EGLN3: variants seen among roughly 807,000 people sequenced by gnomAD.
EGLN3 encodes the protein prolyl hydroxylase EGLN3.
EGLN3 carries 15 observed loss-of-function variants against 26.0 expected under a neutral mutation model. The ratio of observed to expected loss-of-function variants is 0.58; its 90% CI spans 0.39 to 0.89. The LOEUF (loss-of-function observed/expected upper bound fraction) is 0.89. Ranked by LOEUF, EGLN3 falls within the 40% of genes least tolerant of loss-of-function variation. The pLI is 0.00. For synonymous variants in EGLN3, 147 were observed against 127.2 expected (o/e 1.16, Z -1.05); for missense variants, 238 against 311.6 (o/e 0.76, Z 1.78).
intron 1 of EGLN3, among the ~76,000 whole-genome samples, chr14:33,946,534 T>C (rs891312384): frequency 2.0e-5 from 3 of 152,148 alleles, no homozygotes; most frequent in Non-Finnish European, 4.4e-5. Context: ...ATTCAAAGTA[T>C]ACGAAAGTAT....
intron 2 of EGLN3, among the ~76,000 whole-genome samples, chr14:33,929,600 C>A (rs1208586142): frequency 6.6e-6 from 1 of 152,190 alleles, no homozygotes; most frequent in African/African-American, 2.4e-5. Flanking sequence ...GATCCGCCCA[C>A]TAGGGCCTCC....
intron 1 of EGLN3, among the ~76,000 whole-genome samples, chr14:33,941,104 G>T (rs532545609): frequency 6.6e-6 from 1 of 152,226 alleles, no homozygotes; most frequent in South Asian, 2.1e-4. Flanking sequence ...GATGAAAGTG[G>T]GCTCAGAGAA....
In EGLN3 at chr14:33,925,687, C is replaced by T; in HGVS notation, c.*204G>A. 9.9e-6 allele frequency: 6 copies of T among 606,076 alleles called. No individual in the cohort carries two copies. Among genetic ancestry groups the T allele is most frequent in the East Asian group, 2.9e-5 (1 of 34,822 alleles). 37.5% of individuals were successfully genotyped at this position (606,076 alleles called of 1,614,324 possible). A position where few individuals can be genotyped will look rare whatever the true frequency, so the allele number is the denominator to read the frequency against. Reference sequence around the variant, plus strand: ...AATTTCTGGAGTTAGCAAGTAACTTCATCTGGCAAAGAGAGTATCTGAAGA... The same window carrying T: ...AATTTCTGGAGTTAGCAAGTAACTTTATCTGGCAAAGAGAGTATCTGAAGA... On this transcript the variant is annotated 3_prime_UTR_variant, in exon 5 of 5. Transcript: ENST00000250457.
Position 33,925,212 on chromosome 14 carries a change from A to T in EGLN3, c.*679T>A, listed in dbSNP as rs1236692502. The T allele has an allele frequency of 6.6e-6, 1 of 152,156 alleles. No homozygotes were observed. Among genetic ancestry groups the T allele is most frequent in the Non-Finnish European group, 1.5e-5 (1 of 68,028 alleles). 9.4% of individuals were successfully genotyped at this position (152,156 alleles called of 1,614,324 possible). On this transcript the variant is annotated 3_prime_UTR_variant, in exon 5 of 5. Transcript: ENST00000250457. ...AGGTAAGAACTGAAAATGGAGAAAAAATTGTGTTGCCATCTTTATTCAGAA... is the reference window on the plus strand; with the variant it reads ...AGGTAAGAACTGAAAATGGAGAAAATATTGTGTTGCCATCTTTATTCAGAA...
rs1468915195 is a variant in EGLN3, at chr14:33,950,817, G to A, written c.-65C>T. 7.0e-7 allele frequency: 1 copy of A among 1,434,894 alleles called. No homozygotes were observed. Among genetic ancestry groups the A allele is most frequent in the African/African-American group, 1.4e-5 (1 of 70,684 alleles). 88.9% of individuals were successfully genotyped at this position (1,434,894 alleles called of 1,614,324 possible). On this transcript the variant is annotated 5_prime_UTR_variant, in exon 1 of 5. Coordinates refer to ENST00000250457, the MANE Select transcript of EGLN3 (RefSeq NM_022073.4). ...ACCAGAGAGGGAACGATCTACACGA[G>A]CGCGAAGCCGAGGCGCGGGGAGCGT... is the stretch of plus-strand genomic sequence containing the variant.
At chr14:33,948,346 A>C (rs773085953) in intron 1 of EGLN3, 6 of 152,106 alleles carry the variant, frequency 3.9e-5, no homozygotes, top group Non-Finnish European at 8.8e-5. Flanking sequence ...ATTTAACTAC[A>C]CTAGTTGTTT....
At chr14:33,927,619 C>T (rs1402537014) in intron 3 of EGLN3, among the ~76,000 whole-genome samples, 4 of 152,160 alleles carry the variant, frequency 2.6e-5, no homozygotes, top group Admixed American at 2.6e-4. Context: ...TCTCAGGCTC[C>T]AAGTAGGGGA....
chr14:33,936,780 AC>A (rs1478071792), intron 1 of EGLN3, among the ~76,000 whole-genome samples: 1 of 150,874 alleles, frequency 6.6e-6, no homozygotes, highest in Non-Finnish European at 1.5e-5. Flanking sequence ...AAAAAAAAAA[AC>A]AAAACCTGAA....
At chr14:33,948,360 C>G (rs1189395249) in intron 1 of EGLN3, 3 of 152,180 alleles carry the variant, frequency 2.0e-5, no homozygotes, top group African/African-American at 7.2e-5. Context: ...GTTGTTTGCT[C>G]AAGCCTGGTT....
intron 1 of EGLN3, among the ~76,000 whole-genome samples, chr14:33,936,999 G>C (rs148194181): frequency 6.6e-6 from 1 of 152,304 alleles, no homozygotes; most frequent in Non-Finnish European, 1.5e-5. Flanking sequence ...CTTGTTCAGG[G>C]ATATGTGATC....
At chr14:33,935,893 A>G (rs1469227324) in intron 1 of EGLN3, among the ~76,000 whole-genome samples, 2 of 152,032 alleles carry the variant, frequency 1.3e-5, no homozygotes, top group African/African-American at 2.4e-5. Context: ...CTTCTCCACC[A>G]TAAGGCACAA....
chr14:33,934,031 A>G (rs533120630), intron 1 of EGLN3, among the ~76,000 whole-genome samples: 2 of 152,246 alleles, frequency 1.3e-5, no homozygotes, highest in Non-Finnish European at 2.9e-5. Flanking sequence ...TAATATTTGA[A>G]GTTTACGCAA....
chr14:33,944,175 G>A (rs1302284820), intron 1 of EGLN3, among the ~76,000 whole-genome samples: 3 of 152,046 alleles, frequency 2.0e-5, no homozygotes, highest in Admixed American at 6.6e-5. Flanking sequence ...AGGCTGGAGT[G>A]CAATGGTGCA....
rs766800228 is a variant in EGLN3, at chr14:33,929,337, T to C, written c.478-125A>G. 8.0e-5 allele frequency: 96 copies of C among 1,205,512 alleles called. No homozygotes were observed. The Middle Eastern group carries it at 8.8e-4, about 11-fold the overall frequency. The allele number at this position is 1,205,512 out of a possible 1,614,324, so 74.7% of individuals were successfully genotyped here. ...CACTCCAAATGCATGGTACCCCAGA[T>C]TTTTACTTCAACCTCATAGTTTGTA... On this transcript the variant is annotated intron_variant, in intron 2 of 4. Coordinates refer to ENST00000250457, the MANE Select transcript of EGLN3 (RefSeq NM_022073.4).
At chr14:33,933,187 G>A (rs1006593088) in intron 1 of EGLN3, among the ~76,000 whole-genome samples, 6 of 151,974 alleles carry the variant, frequency 3.9e-5, no homozygotes, top group Non-Finnish European at 7.4e-5. Flanking sequence ...ATTGGGTTAC[G>A]CAGCTGTCAA....
At chr14:33,948,270 G>C (rs995286888) in intron 1 of EGLN3, 2 of 152,086 alleles carry the variant, frequency 1.3e-5, no homozygotes, top group African/African-American at 4.8e-5. Flanking sequence ...CTTCAAACAA[G>C]AAACCCAAGA....
At chr14:33,930,053 A>T (rs1445854068) in intron 2 of EGLN3, among the ~76,000 whole-genome samples, 1 of 152,144 alleles carries the variant, frequency 6.6e-6, no homozygotes, top group East Asian at 1.9e-4. Context: ...TTTTTTTTAC[A>T]TGTCAACCTA....
At chr14:33,930,038 AATT>A (rs2064390804) in intron 2 of EGLN3, among the ~76,000 whole-genome samples, 1 of 152,106 alleles carries the variant, frequency 6.6e-6, no homozygotes, top group African/African-American at 2.4e-5. Flanking sequence ...CTCTTCCTTG[AATT>A]ATTTTTTTTA....
intron 1 of EGLN3, among the ~76,000 whole-genome samples, chr14:33,943,441 A>G (rs1221228137): frequency 6.6e-6 from 1 of 152,256 alleles, no homozygotes; most frequent in African/African-American, 2.4e-5. Flanking sequence ...CCCGTTTCTT[A>G]GAGCAATATC....
Sources: gnomAD v4.1 joint callset for allele counts (sites outside exome capture counted in the v4.1 genomes callset) on GRCh38, gnomAD v4.1.1 for gene constraint, MANE v1.5 for transcripts, NCBI Gene and HGNC (gene_info 2026-07-23, HGNC 2026-07-21) for gene names.